The following MYRIP variants were observed in gnomAD, a reference collection of about 807,000 sequenced individuals.
MYRIP encodes the protein myosin VIIA and Rab interacting protein, also known as rab effector MyRIP.
A neutral mutation model predicts 98.0 loss-of-function variants in MYRIP; 49 were observed. The ratio of observed to expected loss-of-function variants is 0.50; its 90% CI spans 0.40 to 0.63. The LOEUF is 0.63. MYRIP is among the 30% of genes least tolerant of loss of function. The pLI is 0.00. For synonymous variants in MYRIP, 404 were observed against 409.5 expected (o/e 0.99, Z 0.16); for missense variants, 1,004 against 1,058.2 (o/e 0.95, Z 0.71).
At chr3:40,214,276 G>C (rs964508304) in intron 11 of MYRIP, among the ~76,000 whole-genome samples, 6 of 152,158 alleles carry the variant, frequency 3.9e-5, no homozygotes, top group South Asian at 2.1e-4. Context: ...TCACACAGAG[G>C]GGGAGCTCAG....
intron 1 of MYRIP, among the ~76,000 whole-genome samples, chr3:39,890,525 T>C (rs1288705814): frequency 6.6e-6 from 1 of 152,090 alleles, no homozygotes; most frequent in Non-Finnish European, 1.5e-5. Flanking sequence ...AATATTTTTG[T>C]ATAGTTTCTG....
chr3:40,048,872 G>T (rs1024941516), intron 3 of MYRIP, among the ~76,000 whole-genome samples: 4 of 152,078 alleles, frequency 2.6e-5, no homozygotes, highest in Admixed American at 2.0e-4. Flanking sequence ...AAGTTCTATA[G>T]AAAATGGGAT....
intron 3 of MYRIP, chr3:40,100,198 C>T (rs942227721): frequency 8.6e-5 from 85 of 985,228 alleles, no homozygotes; most frequent in Middle Eastern, 5.2e-4. Context: ...TCTCAAGACA[C>T]GTGAGCTAAA....
chr3:39,901,956 G>A (rs1429250071), intron 2 of MYRIP, among the ~76,000 whole-genome samples: 1 of 152,002 alleles, frequency 6.6e-6, no homozygotes, highest in African/African-American at 2.4e-5. Flanking sequence ...ATCCCTTTTT[G>A]GTGGTAGGAA....
intron 3 of MYRIP, among the ~76,000 whole-genome samples, chr3:40,093,231 T>G (rs1948760763): frequency 6.6e-6 from 1 of 152,212 alleles, no homozygotes; most frequent in African/African-American, 2.4e-5. Context: ...GATATCCACC[T>G]TATGTACAGT....
rs1952743515 is a variant in MYRIP at position 40,233,983 on chromosome 3, A to G, written c.2030A>G (p.Gln677Arg). ...TCCCCACAAGTCCCTCCTGACAGACAGAAGGGGATGTTTCCTCGTGGGACA... is the reference window on the plus strand; with the variant it reads ...TCCCCACAAGTCCCTCCTGACAGACGGAAGGGGATGTTTCCTCGTGGGACA... ...WESPQVPPDR[Q>R]KGMFPRGTDQ... Residue 677 changes from glutamine to arginine, a missense_variant, in exon 12 of 17, where the codon CAG becomes CGG. Transcript: ENST00000302541. 3.1e-6 allele frequency: 5 copies of G among 1,613,582 alleles called. No individual in the cohort carries two copies. The highest frequency in any genetic ancestry group is 4.2e-6 in the Non-Finnish European group (5 of 1,179,804).
chr3:40,018,194 G>A (rs1946912374), intron 2 of MYRIP, among the ~76,000 whole-genome samples: 1 of 152,138 alleles, frequency 6.6e-6, no homozygotes, highest in Admixed American at 6.6e-5. Flanking sequence ...GGTTTCATCA[G>A]TGCTTTTGTA....
intron 2 of MYRIP, among the ~76,000 whole-genome samples, chr3:39,993,092 T>A (rs1946221615): frequency 6.6e-6 from 1 of 152,136 alleles, no homozygotes; most frequent in African/African-American, 2.4e-5. Flanking sequence ...GTATGGCCAG[T>A]CCAAGATTGA....
intron 2 of MYRIP, among the ~76,000 whole-genome samples, chr3:40,032,402 A>G (rs1391517806): frequency 2.0e-5 from 3 of 151,860 alleles, no homozygotes; most frequent in African/African-American, 7.3e-5. Flanking sequence ...AGTTTGTTAT[A>G]CTTTCTGTTC....
At chr3:40,126,434 C>T (rs1949527143) in intron 3 of MYRIP, among the ~76,000 whole-genome samples, 1 of 152,194 alleles carries the variant, frequency 6.6e-6, no homozygotes, top group Admixed American at 6.5e-5. Flanking sequence ...ATTATACCTA[C>T]ATCCTTTCAA....
intron 2 of MYRIP, among the ~76,000 whole-genome samples, chr3:40,029,068 A>G (rs1275604229): frequency 6.6e-6 from 1 of 152,116 alleles, no homozygotes; most frequent in Non-Finnish European, 1.5e-5. Flanking sequence ...TATGATCCCC[A>G]AATAATTTTC....
chr3:39,852,347 G>A (rs1478716273), intron 1 of MYRIP, among the ~76,000 whole-genome samples: 1 of 152,162 alleles, frequency 6.6e-6, no homozygotes, highest in Non-Finnish European at 1.5e-5. Flanking sequence ...ACCAGACCCT[G>A]CTCAATGACA....
intron 1 of MYRIP, among the ~76,000 whole-genome samples, chr3:39,869,769 C>A (rs920387197): frequency 6.6e-6 from 1 of 152,298 alleles, no homozygotes; most frequent in Non-Finnish European, 1.5e-5. Flanking sequence ...TATCCCCTCC[C>A]CCAAACTCCT....
At chr3:39,966,005 C>G (rs1449077766) in intron 2 of MYRIP, among the ~76,000 whole-genome samples, 1 of 152,062 alleles carries the variant, frequency 6.6e-6, no homozygotes, top group Non-Finnish European at 1.5e-5. Context: ...AATCTTGGGC[C>G]AGGAAAGGCC....
intron 3 of MYRIP, 126 bp from the exon 4 acceptor site, chr3:40,150,922 G>T (rs1950105061): frequency 3.2e-6 from 3 of 941,172 alleles, no homozygotes; most frequent in Non-Finnish European, 4.5e-6. Flanking sequence ...AAGTCACAAG[G>T]CCCGCCCAGA....
At chr3:40,167,295 G>C in intron 7 of MYRIP, 56 bp downstream of exon 7, 1 of 1,507,106 alleles carries the variant, frequency 6.6e-7, no homozygotes, top group South Asian at 1.1e-5. Flanking sequence ...CCTGGTGCAG[G>C]GACTCTGGCA....
chr3:40,155,462 G>T (rs1426379221), intron 4 of MYRIP, among the ~76,000 whole-genome samples: 1 of 152,126 alleles, frequency 6.6e-6, no homozygotes, highest in Non-Finnish European at 1.5e-5. Context: ...ACGTGTGCAT[G>T]TGTCTTTATA....
In MYRIP at chr3:40,184,215, C is replaced by G. The variant is rs117907590; in HGVS notation, c.1027+1842C>G. Among the ~76,000 whole-genome samples the G allele has an allele frequency of 7.9e-5, 12 of 152,322 alleles. No individual in the cohort carries two copies. In the South Asian group the frequency reaches 2.5e-3, roughly 32 times the overall value. ...TTCTTCCTCATTTTCTCACTTCTCT[C>G]TCTTTCTCTATGGATTGCAAATGCA... is the stretch of plus-strand genomic sequence containing the variant. On this transcript the variant is annotated intron_variant, in intron 9 of 16. Transcript: ENST00000302541.
intron 1 of MYRIP, among the ~76,000 whole-genome samples, chr3:39,867,141 T>C (rs1942650544): frequency 6.6e-6 from 1 of 152,114 alleles, no homozygotes; most frequent in African/African-American, 2.4e-5. Context: ...AAAAATAAAA[T>C]AGGGCTCCTC....
Sources: gnomAD v4.1 joint callset for allele counts (sites outside exome capture counted in the v4.1 genomes callset) on GRCh38, gnomAD v4.1.1 for gene constraint, MANE v1.5 for transcripts, NCBI Gene and HGNC (gene_info 2026-07-23, HGNC 2026-07-21) for gene names.